The following GREB1L variants were observed in gnomAD, a reference collection of about 807,000 sequenced individuals.
GREB1L encodes the protein GREB1-like protein.
GREB1L carries 17 observed loss-of-function variants against 200.8 expected under a neutral mutation model. The observed-to-expected ratio is 0.08, with a 90% CI of 0.06 to 0.13. GREB1L has a LOEUF of 0.13. Ranked by LOEUF, GREB1L falls within the 10% of genes least tolerant of loss-of-function variation. The pLI is 1.00. For missense variants in GREB1L, 1,657 were observed against 2,367.7 expected (o/e 0.70, Z 6.23); for synonymous variants, 789 against 893.0 (o/e 0.88, Z 2.08).
intron 1 of GREB1L, among the ~76,000 whole-genome samples, chr18:21,306,581 T>C (rs1470928480): frequency 6.6e-6 from 1 of 152,206 alleles, no homozygotes; most frequent in African/African-American, 2.4e-5. Context: ...TAAGTACTCA[T>C]TACAATGAGA....
At chr18:21,480,634 G>A (rs2145762098) in intron 17 of GREB1L, among the ~76,000 whole-genome samples, 1 of 152,326 alleles carries the variant, frequency 6.6e-6, no homozygotes, top group East Asian at 1.9e-4. Flanking sequence ...CCCAGGAGGA[G>A]TAATTGGAAA....
intron 10 of GREB1L, among the ~76,000 whole-genome samples, chr18:21,443,677 A>C (rs569204108): frequency 6.6e-6 from 1 of 152,224 alleles, no homozygotes; most frequent in African/African-American, 2.4e-5. Flanking sequence ...AACAGAGATA[A>C]TATGAGTACA....
intron 27 of GREB1L, chr18:21,508,833 G>A (rs553043265): frequency 1.9e-6 from 1 of 533,960 alleles, no homozygotes; most frequent in South Asian, 2.1e-5. Context: ...GAAGTCACTG[G>A]TGTACTGAGC....
chr18:21,412,271 C>T (rs1173058017), intron 7 of GREB1L, among the ~76,000 whole-genome samples: 1 of 151,500 alleles, frequency 6.6e-6, no homozygotes, highest in African/African-American at 2.4e-5. Flanking sequence ...AAATTAGCAA[C>T]GTGTGTTGAC....
rs561094371 is a variant in GREB1L, at chr18:21,345,121, A to G, written c.-119-20906A>G. The stretch of plus-strand genomic sequence containing the variant: ...GCTGACCCTAAGTACTAGTGAAGCC[A>G]AGTTCTTTATCTCCAACCCTGGGTT... On this transcript the variant is annotated intron_variant, in intron 1 of 32. Transcript: ENST00000424526. Among the ~76,000 whole-genome samples the G allele has an allele frequency of 1.2e-4, 19 of 152,306 alleles. 1 individual carries two copies. The highest frequency in any genetic ancestry group is 9.8e-4 in the Admixed American group (15 of 15,300).
chr18:21,477,053 A>C (rs985908896), intron 16 of GREB1L, 111 bp from the exon 17 acceptor site: 9 of 696,794 alleles, frequency 1.3e-5, no homozygotes, highest in African/African-American at 1.1e-4. Context: ...TCTGCTCCCA[A>C]TTGAAAAGAG....
chr18:21,407,457 T>C (rs1054206194), intron 7 of GREB1L, among the ~76,000 whole-genome samples: 1 of 152,228 alleles, frequency 6.6e-6, no homozygotes, highest in Non-Finnish European at 1.5e-5. Flanking sequence ...TTTTGTATAG[T>C]ATGAAATGAG....
chr18:21,315,950 C>A (rs1031043461), intron 1 of GREB1L, among the ~76,000 whole-genome samples: 1 of 152,176 alleles, frequency 6.6e-6, no homozygotes, highest in African/African-American at 2.4e-5. Flanking sequence ...CGACCCTCCC[C>A]CCTGTGGGCC....
chr18:21,387,793 T>A (rs2040606692), intron 4 of GREB1L, among the ~76,000 whole-genome samples: 1 of 152,240 alleles, frequency 6.6e-6, no homozygotes, highest in Non-Finnish European at 1.5e-5. Context: ...GATATTGGGA[T>A]CCTATGTCTT....
At position 21,449,778 on chromosome 18, in the gene GREB1L, T is replaced by G. The variant is rs1462783728; in HGVS notation, c.1662T>G (p.Tyr554Ter). ...GACACTATCAAAGGCTGCCAGATTA[T>G]GTGGTGGTAATTTGTGCATCGAAAA... ...EMRHYQRLPD[Y>*]VVVICASKIR... Residue 554 changes from tyrosine (Y) to a stop codon, truncating the protein, a stop_gained, in exon 12 of 33, where the codon TAT (tyrosine) becomes TAG (stop). Coordinates refer to ENST00000424526, the MANE Select transcript of GREB1L (RefSeq NM_001142966.3). LOFTEE classifies it high-confidence loss of function. The G allele has an allele frequency of 6.5e-7, 1 of 1,550,214 alleles. No individual in the cohort carries two copies. The highest frequency in any genetic ancestry group is 8.7e-7 in the Non-Finnish European group (1 of 1,146,218).
intron 1 of GREB1L, among the ~76,000 whole-genome samples, chr18:21,282,272 TCTTAAAAAAAAATTATGGTGAATACC>T (rs1333955753): frequency 2.0e-5 from 3 of 152,058 alleles, no homozygotes; most frequent in Non-Finnish European, 4.4e-5. Context: ...AGACCCCATC[TCTTAAAAAAAAATTATGGTGAATACC>T]TTTCATGTCG....
intron 7 of GREB1L, 146 bp downstream of exon 7, chr18:21,404,140 G>A (rs1598769576): frequency 2.7e-6 from 2 of 739,628 alleles, no homozygotes; most frequent in East Asian, 5.9e-5. Context: ...TTAGAATTCA[G>A]CCTTGAGATG....
intron 1 of GREB1L, among the ~76,000 whole-genome samples, chr18:21,290,824 CAAAAAAA>C (rs752840997): frequency 1.7e-3 from 106 of 63,240 alleles, no homozygotes; most frequent in Middle Eastern, 0.021. Context: ...GACTCTGTCT[CAAAAAAA>C]AAAAAAAAAA....
At chr18:21,286,084 G>T (rs959785698) in intron 1 of GREB1L, among the ~76,000 whole-genome samples, 3 of 152,136 alleles carry the variant, frequency 2.0e-5, no homozygotes, top group African/African-American at 7.2e-5. Flanking sequence ...AATTTTAAAA[G>T]ACATACAACA....
chr18:21,472,682 T>A (rs568465786), intron 15 of GREB1L, among the ~76,000 whole-genome samples: 2 of 152,290 alleles, frequency 1.3e-5, no homozygotes, highest in African/African-American at 4.8e-5. Flanking sequence ...AAAGCTTAAT[T>A]TTTTTCCAGG....
intron 1 of GREB1L, among the ~76,000 whole-genome samples, chr18:21,277,721 CT>C (rs1567918864): frequency 6.6e-6 from 1 of 152,286 alleles, no homozygotes; most frequent in African/African-American, 2.4e-5. Flanking sequence ...CCTGTCACCC[CT>C]GTCATGCCAT....
chr18:21,290,984 G>A (rs1267986550), intron 1 of GREB1L, among the ~76,000 whole-genome samples: 5 of 152,094 alleles, frequency 3.3e-5, no homozygotes, highest in Non-Finnish European at 7.4e-5. Context: ...AATGAGCAAC[G>A]CTTGTCCTAT....
At chr18:21,352,653 T>A (rs1264417517) in intron 1 of GREB1L, among the ~76,000 whole-genome samples, 1 of 151,556 alleles carries the variant, frequency 6.6e-6, no homozygotes, top group African/African-American at 2.4e-5. Context: ...AGCCTGGACT[T>A]GAACTCCTGA....
intron 7 of GREB1L, among the ~76,000 whole-genome samples, chr18:21,432,785 C>T (rs1017948276): frequency 3.1e-4 from 44 of 142,448 alleles, no homozygotes; most frequent in Non-Finnish European, 1.6e-4. Flanking sequence ...TGGCTCACTG[C>T]AACCTCCGCC....
Sources: allele counts gnomAD v4.1 joint callset (sites outside exome capture counted in the v4.1 genomes callset), GRCh38; gene constraint gnomAD v4.1.1; transcripts MANE v1.5; gene names NCBI Gene and HGNC (gene_info 2026-07-23, HGNC 2026-07-21).